Variants in LRIG3 observed in about 807,000 individuals in gnomAD.
LRIG3 encodes the protein leucine-rich repeats and immunoglobulin-like domains protein 3.
Under a neutral mutation model 114.5 loss-of-function variants are expected in LRIG3, and 76 were observed. The observed-to-expected ratio is 0.66, with a 90% CI of 0.55 to 0.80. LRIG3 has a LOEUF of 0.80. Ranked by LOEUF, LRIG3 falls within the 30% of genes least tolerant of loss-of-function variation. LRIG3 has a pLI of 0.00. For synonymous variants in LRIG3, 512 were observed against 519.8 expected, an observed-to-expected ratio of 0.98 and a Z score of 0.20; for missense variants, 1,239 against 1,382.8, an observed-to-expected ratio of 0.90 and a Z score of 1.65.
Position 58,877,482 on chromosome 12 carries a change from A to G in LRIG3, c.2454T>C (p.Cys818=), listed in dbSNP as rs769731920. The G allele has an allele frequency of 1.2e-6, 2 of 1,614,080 alleles. No homozygotes were observed. The highest frequency in any genetic ancestry group is 2.7e-5 in the African/African-American group (2 of 74,918). Residue 818 remains cysteine, a synonymous_variant, in exon 15 of 19, where the codon TGT becomes TGC. Transcript: ENST00000320743. ...VGVVIIAVVC[C]VVGTSLVWVV... is the part of the protein sequence containing the mutation. Reference sequence around the variant, plus strand: ...CCCACACGAGTGACGTGCCCACCACACAGCAAACCACGGCTATGATCACGA... The same window carrying G: ...CCCACACGAGTGACGTGCCCACCACGCAGCAAACCACGGCTATGATCACGA...
chr12:58,892,955 C>A (rs570234253), intron 3 of LRIG3, among the ~76,000 whole-genome samples: 3 of 152,190 alleles, frequency 2.0e-5, no homozygotes, highest in Non-Finnish European at 4.4e-5. Flanking sequence ...TACTTCCCAC[C>A]TTGCAAAAAT....
At chr12:58,919,970 G>GC in intron 1 of LRIG3, 30 bp downstream of exon 1, 1 of 1,540,968 alleles carries the variant, frequency 6.5e-7, no homozygotes, top group Non-Finnish European at 8.8e-7. Flanking sequence ...AGCGGCCCGG[G>GC]CCCCCTCCCC....
chr12:58,916,628 A>T (rs981326170), intron 1 of LRIG3, among the ~76,000 whole-genome samples: 4 of 152,208 alleles, frequency 2.6e-5, no homozygotes, highest in African/African-American at 7.2e-5. Context: ...CTTCATGTTT[A>T]GAGTTCCATT....
chr12:58,914,926 A>ATAT (rs1872421374), intron 1 of LRIG3, among the ~76,000 whole-genome samples: 5 of 152,236 alleles, frequency 3.3e-5, no homozygotes, highest in African/African-American at 1.2e-4. Flanking sequence ...ATATCTGATA[A>ATAT]TATAAAATTT....
At chr12:58,887,767 G>A in intron 8 of LRIG3, 22 bp downstream of exon 8, 1 of 1,609,984 alleles carries the variant, frequency 6.2e-7, no homozygotes, top group Non-Finnish European at 8.5e-7. Flanking sequence ...TTCGAGTACT[G>A]ACAGCAAAAC....
chr12:58,917,695 G>A (rs1872531087), intron 1 of LRIG3, among the ~76,000 whole-genome samples: 1 of 152,100 alleles, frequency 6.6e-6, no homozygotes, highest in Non-Finnish European at 1.5e-5. Flanking sequence ...TTCAACAAAT[G>A]AAACAAAAGA....
rs193180485 is a variant in LRIG3, at chr12:58,911,305, A to G, written c.383+2677T>C. On this transcript the variant is annotated intron_variant, in intron 3 of 18. Transcript: ENST00000320743. ...CTAATTATCAGCTCCTGGCTCCTAT[A>G]GCTAAGAGAAGACAAAAGTCTCACC... Among the ~76,000 whole-genome samples, 199 of 152,270 alleles carry G rather than the reference A, an allele frequency of 1.3e-3. 1 individual carries two copies. Among genetic ancestry groups the G allele is most frequent in the African/African-American group, 4.6e-3 (191 of 41,554 alleles).
At chr12:58,890,538 T>A in intron 4 of LRIG3, 127 bp downstream of exon 4, 1 of 903,408 alleles carries the variant, frequency 1.1e-6, no homozygotes, top group East Asian at 3.0e-5. Context: ...TTACAGCAAA[T>A]TTCAAGTCAA....
At chr12:58,899,040 T>C (rs1404645396) in intron 3 of LRIG3, among the ~76,000 whole-genome samples, 2 of 152,220 alleles carry the variant, frequency 1.3e-5, no homozygotes, top group African/African-American at 2.4e-5. Context: ...CACCAGTGTT[T>C]TGTAAACTTT....
In LRIG3 at chr12:58,890,123, G is replaced by T; in HGVS notation, c.532C>A (p.Arg178=). Residue 178 remains arginine, a synonymous_variant, in exon 5 of 19, where the codon CGA becomes AGA. Coordinates refer to ENST00000320743, the MANE Select transcript of LRIG3 (RefSeq NM_153377.5). ...QLKYLYLNSN[R]VTSMEPGYFD... The stretch of plus-strand genomic sequence containing the variant: ...TACCCAGGTTCCATTGATGTGACTC[G>T]GTTGCTGTTGAGATACCTGTTGAAA... The T allele has an allele frequency of 6.2e-7, 1 of 1,613,226 alleles. No individual in the cohort carries two copies.
intron 16 of LRIG3, among the ~76,000 whole-genome samples, chr12:58,875,369 C>A (rs961180902): frequency 1.3e-5 from 2 of 152,212 alleles, no homozygotes; most frequent in Non-Finnish European, 2.9e-5. Flanking sequence ...TGTAACTCTA[C>A]GCTCTTTATT....
intron 1 of LRIG3, among the ~76,000 whole-genome samples, chr12:58,915,554 A>G (rs1872448907): frequency 6.6e-6 from 1 of 152,094 alleles, no homozygotes; most frequent in African/African-American, 2.4e-5. Flanking sequence ...TTTCACCTAA[A>G]AAAAAAAATC....
intron 3 of LRIG3, among the ~76,000 whole-genome samples, chr12:58,895,230 A>G (rs1871598056): frequency 6.6e-6 from 1 of 152,172 alleles, no homozygotes; most frequent in Admixed American, 6.5e-5. Flanking sequence ...CTTAAAGTCT[A>G]GTGGGGAGGA....
At chr12:58,899,716 T>G (rs1218791336) in intron 3 of LRIG3, among the ~76,000 whole-genome samples, 1 of 152,216 alleles carries the variant, frequency 6.6e-6, no homozygotes, top group Non-Finnish European at 1.5e-5. Flanking sequence ...AAAAGTCTGA[T>G]GATCACTGGC....
chr12:58,911,982 G>A (rs1872294442), intron 3 of LRIG3, among the ~76,000 whole-genome samples: 1 of 152,142 alleles, frequency 6.6e-6, no homozygotes, highest in Non-Finnish European at 1.5e-5. Flanking sequence ...CACATTGGAT[G>A]TATCATTATG....
chr12:58,889,207 A>G (rs1172059944), intron 5 of LRIG3, among the ~76,000 whole-genome samples: 1 of 152,198 alleles, frequency 6.6e-6, no homozygotes, highest in African/African-American at 2.4e-5. Context: ...TTTAATTTCT[A>G]AAGTCTTGTC....
chr12:58,874,435 T>C lies in LRIG3; in HGVS notation c.2834A>G (p.His945Arg), dbSNP rs199921715. 19 of 1,614,170 alleles carry C rather than the reference T, an allele frequency of 1.2e-5. No individual in the cohort carries two copies. The highest frequency in any genetic ancestry group is 1.4e-5 in the Non-Finnish European group (16 of 1,180,020). ...CAAGCAAGAAAACCACCTACCTGTA[T>C]GATATGTTTCAAAAGGATCTGAGCC... ...VYGSDPFETY[H>R]TGCSPDPRTV... Residue 945 changes from histidine (H) to arginine (R), a missense_variant, in exon 17 of 19, where the codon CAT (histidine) becomes CGT (arginine). By Grantham distance (29) the His-to-Arg change is conservative (BLOSUM62 0). Transcript: ENST00000320743.
chr12:58,885,356 A>G (rs1871242744), intron 10 of LRIG3, among the ~76,000 whole-genome samples: 1 of 152,216 alleles, frequency 6.6e-6, no homozygotes, highest in South Asian at 2.1e-4. Flanking sequence ...GTTCTTTAAA[A>G]GCCAAGTCAT....
chr12:58,884,280 T>C (rs1871205005), intron 10 of LRIG3, among the ~76,000 whole-genome samples: 2 of 152,230 alleles, frequency 1.3e-5, no homozygotes, highest in Admixed American at 1.3e-4. Flanking sequence ...TAATTCTCTT[T>C]ATACAGAGAC....
Sources: gnomAD v4.1 joint callset for allele counts (sites outside exome capture counted in the v4.1 genomes callset) on GRCh38, gnomAD v4.1.1 for gene constraint, MANE v1.5 for transcripts, NCBI Gene and HGNC (gene_info 2026-07-23, HGNC 2026-07-21) for gene names.